The following HS6ST2 variants were observed in gnomAD, a reference collection of about 807,000 sequenced individuals.
HS6ST2 encodes the protein heparan sulfate 6-O-sulfotransferase 2, also known as heparan-sulfate 6-O-sulfotransferase 2.
A neutral mutation model predicts 33.0 loss-of-function variants in HS6ST2; 17 were observed. The ratio of observed to expected loss-of-function variants is 0.52; its 90% CI spans 0.35 to 0.77. HS6ST2 has a LOEUF of 0.77. HS6ST2 is among the 30% of genes least tolerant of loss of function. HS6ST2 has a pLI of 0.01. For synonymous variants in HS6ST2, 248 were observed against 237.1 expected (o/e 1.05, Z -0.42); for missense variants, 519 against 551.7 (o/e 0.94, Z 0.59).
intron 3 of HS6ST2, among the ~76,000 whole-genome samples, chrX:132,698,691 A>G (rs897986218): frequency 7.2e-5 from 8 of 111,437 alleles, no homozygotes; most frequent in Admixed American, 1.9e-4. Flanking sequence ...TCCATCCACA[A>G]AGGATAAGTT....
chrX:132,780,618 T>G (rs937556170), intron 2 of HS6ST2, among the ~76,000 whole-genome samples: 1 of 111,595 alleles, frequency 9.0e-6, no homozygotes, highest in Non-Finnish European at 1.9e-5. Context: ...TCATTTTACT[T>G]GCCCAGCCTC....
intron 2 of HS6ST2, among the ~76,000 whole-genome samples, chrX:132,887,756 C>A (rs192495801): frequency 8.9e-6 from 1 of 112,196 alleles, no homozygotes; most frequent in African/African-American, 3.2e-5. Flanking sequence ...ATTCAAATAT[C>A]CATCTACTGA....
intron 2 of HS6ST2, among the ~76,000 whole-genome samples, chrX:132,787,198 T>TATATATATAC (rs1556443168): frequency 2.5e-5 from 2 of 80,082 alleles, no homozygotes; most frequent in African/African-American, 1.1e-4. Context: ...CATATATATA[T>TATATATATAC]ACACATATAT....
intron 3 of HS6ST2, among the ~76,000 whole-genome samples, chrX:132,700,533 C>CATATATAT (rs201749878): frequency 1.6e-4 from 16 of 102,115 alleles, no homozygotes; most frequent in African/African-American, 5.3e-4. Context: ...CACATAAGAT[C>CATATATAT]ATATATATAT....
At chrX:132,898,581 C>T (rs1168780653) in intron 2 of HS6ST2, among the ~76,000 whole-genome samples, 2 of 109,368 alleles carry the variant, frequency 1.8e-5, no homozygotes, top group Admixed American at 2.0e-4. Context: ...AAAAAAATGG[C>T]TTTCAGACAC....
At chrX:132,778,184 C>T (rs5977749) in intron 2 of HS6ST2, among the ~76,000 whole-genome samples, 55,597 of 110,483 alleles carry the variant, frequency 0.5, 10,398 homozygotes, top group African/African-American at 0.57. Flanking sequence ...AAGGCAATCA[C>T]AACCAAATTA....
At chrX:132,839,463 C>T (rs755308557) in intron 2 of HS6ST2, among the ~76,000 whole-genome samples, 1 of 108,561 alleles carries the variant, frequency 9.2e-6, no homozygotes, top group South Asian at 4.1e-4. Flanking sequence ...AAATACCTAG[C>T]GTTGTCACTT....
At chrX:132,932,355 G>A (rs2066780560) in intron 2 of HS6ST2, among the ~76,000 whole-genome samples, 1 of 111,375 alleles carries the variant, frequency 9.0e-6, no homozygotes, top group Non-Finnish European at 1.9e-5. Context: ...AGAAATATCA[G>A]GGAAAGACCC....
chrX:132,827,081 T>C (rs2065529234), intron 2 of HS6ST2, among the ~76,000 whole-genome samples: 2 of 111,680 alleles, frequency 1.8e-5, no homozygotes, highest in South Asian at 3.8e-4. Context: ...GATAATTATA[T>C]TGATTTTAAG....
intron 4 of HS6ST2, among the ~76,000 whole-genome samples, chrX:132,665,635 A>G (rs1204483616): frequency 9.0e-6 from 1 of 111,626 alleles, no homozygotes; most frequent in African/African-American, 3.3e-5. Context: ...ACAGGTTCAC[A>G]TTACCAAAGG....
upstream of HS6ST2, among the ~76,000 whole-genome samples, chrX:132,961,027 G>T (rs966858284): frequency 1.8e-5 from 2 of 109,184 alleles, no homozygotes; most frequent in Non-Finnish European, 3.8e-5. Context: ...TTGTAATCTC[G>T]GCTGGTCTCT....
At chrX:132,920,759 C>T (rs2066643919) in intron 2 of HS6ST2, among the ~76,000 whole-genome samples, 1 of 112,734 alleles carries the variant, frequency 8.9e-6, no homozygotes, top group Non-Finnish European at 1.9e-5. Flanking sequence ...TAACCAGCAA[C>T]TGGCTAGATG....
chrX:132,778,202 G>C (rs1383174684), intron 2 of HS6ST2, among the ~76,000 whole-genome samples: 3 of 111,745 alleles, frequency 2.7e-5, no homozygotes, highest in African/African-American at 9.7e-5. Context: ...TTATAGTGTA[G>C]CTTCTATAAT....
chrX:132,679,489 C>G (rs952012376), intron 3 of HS6ST2, among the ~76,000 whole-genome samples: 4 of 111,339 alleles, frequency 3.6e-5, no homozygotes, highest in African/African-American at 1.3e-4. Context: ...ACATACTTCA[C>G]AAGGTAATAG....
chrX:132,657,408 T>C (rs755897018), intron 4 of HS6ST2, among the ~76,000 whole-genome samples: 1 of 109,925 alleles, frequency 9.1e-6, no homozygotes, highest in East Asian at 2.9e-4. Context: ...ACACTAGGCA[T>C]GTGGTTGGGA....
chrX:132,737,082 C>T (rs775397159), intron 2 of HS6ST2, among the ~76,000 whole-genome samples: 4 of 111,503 alleles, frequency 3.6e-5, no homozygotes, highest in Non-Finnish European at 5.7e-5. Context: ...TCTGACTTAA[C>T]GATCTCATTT....
intron 2 of HS6ST2, among the ~76,000 whole-genome samples, chrX:132,787,088 A>T (rs2065068342): frequency 1.0e-5 from 1 of 99,884 alleles, no homozygotes; most frequent in Non-Finnish European, 2.0e-5. Flanking sequence ...ATATGCTCTC[A>T]TAGCACTTGC....
At chrX:132,700,790 T>C (rs1215044288) in intron 3 of HS6ST2, among the ~76,000 whole-genome samples, 1 of 110,874 alleles carries the variant, frequency 9.0e-6, no homozygotes, top group East Asian at 2.8e-4. Flanking sequence ...TACCTTTAAA[T>C]ATGGATCCCC....
chrX:132,673,995 C>T, intron 3 of HS6ST2, among the ~76,000 whole-genome samples: 1 of 111,712 alleles, frequency 9.0e-6, no homozygotes, highest in East Asian at 2.8e-4. Flanking sequence ...TAGGTTATGT[C>T]CTGAGTGGTT....
Sources: gnomAD v4.1 joint callset for allele counts (sites outside exome capture counted in the v4.1 genomes callset) on GRCh38, gnomAD v4.1.1 for gene constraint, MANE v1.5 for transcripts, NCBI Gene and HGNC (gene_info 2026-07-23, HGNC 2026-07-21) for gene names.